The following EYA2 variants were observed in gnomAD, a reference collection of about 807,000 sequenced individuals.
EYA2 encodes EYA transcriptional coactivator and phosphatase 2, also known as protein phosphatase EYA2.
Under a neutral mutation model 69.2 loss-of-function variants are expected in EYA2, and 31 were observed. That is an observed-to-expected ratio of 0.45 (90% CI 0.34 to 0.60). The LOEUF (loss-of-function observed/expected upper bound fraction) is 0.60, where lower values mean the gene tolerates loss of function less well. Among genes scored for constraint, EYA2 ranks in the 20% least tolerant of loss-of-function variants. The pLI, the probability that EYA2 is intolerant of heterozygous loss-of-function variation, is 0.02. For synonymous variants in EYA2, 257 were observed against 279.4 expected (o/e 0.92, Z 0.80); for missense variants, 622 against 701.2 (o/e 0.89, Z 1.28).
Position 47,091,723 on chromosome 20 carries a change from C to T in EYA2, c.804+2342C>T, listed in dbSNP as rs1404135198. 4.6e-5 allele frequency among the ~76,000 whole-genome samples: 7 copies of T among 151,794 alleles called. No homozygotes were observed. The East Asian group carries it at 7.7e-4, about 17-fold the overall frequency. On this transcript the variant is annotated intron_variant, in intron 8 of 15. Transcript: ENST00000327619. ...CCACACCACTGCACTCCAGCCTGGG[C>T]GACAAATTGAGAACCTATCTCAAAA...
rs375478907 is a variant in EYA2, at chr20:46,990,748, T to C, written c.109+629T>C. On this transcript the variant is annotated intron_variant, in intron 2 of 15. Transcript: ENST00000327619. ...GGCATTAAGCTATTATGTTTAACCA[T>C]TGGGCTTAACCCTTTCTTTGGCCAG... Among the ~76,000 whole-genome samples the C allele has an allele frequency of 9.2e-5, 14 of 152,382 alleles. 1 individual carries two copies. Among genetic ancestry groups the C allele is most frequent in the African/African-American group, 2.9e-4 (12 of 41,600 alleles).
chr20:47,020,036 G>A (rs955189993), intron 5 of EYA2, among the ~76,000 whole-genome samples: 1 of 151,544 alleles, frequency 6.6e-6, no homozygotes, highest in African/African-American at 2.4e-5. Flanking sequence ...TCAGGAAGCT[G>A]AGGTGGAAGG....
At chr20:46,902,837 C>T (rs752218873) in intron 1 of EYA2, among the ~76,000 whole-genome samples, 96 of 152,146 alleles carry the variant, frequency 6.3e-4, no homozygotes, top group Non-Finnish European at 1.0e-3. Context: ...GCCCTATAAC[C>T]GCAGGGTTGA....
chr20:47,141,744 AAG>A (rs989758377), intron 9 of EYA2, among the ~76,000 whole-genome samples: 3 of 152,212 alleles, frequency 2.0e-5, no homozygotes, highest in African/African-American at 7.2e-5. Flanking sequence ...GAAGTGAGAA[AAG>A]AGAGTGCATG....
At chr20:47,145,436 G>C (rs2033680454) in intron 10 of EYA2, among the ~76,000 whole-genome samples, 1 of 152,190 alleles carries the variant, frequency 6.6e-6, no homozygotes, top group Non-Finnish European at 1.5e-5. Context: ...AAGTATGGAG[G>C]TGGCCAGGAT....
chr20:46,961,505 C>T (rs200388429), intron 1 of EYA2, among the ~76,000 whole-genome samples: 1 of 152,130 alleles, frequency 6.6e-6, no homozygotes, highest in African/African-American at 2.4e-5. Context: ...TATGATCCAG[C>T]GATCCCACTA....
chr20:47,080,930 C>T (rs145964767), intron 7 of EYA2, among the ~76,000 whole-genome samples: 2 of 152,294 alleles, frequency 1.3e-5, no homozygotes, highest in Admixed American at 6.5e-5. Flanking sequence ...TGCAGTGGTA[C>T]GATCATAGTT....
intron 5 of EYA2, among the ~76,000 whole-genome samples, chr20:47,058,596 G>C (rs1162643548): frequency 6.6e-6 from 1 of 152,206 alleles, no homozygotes; most frequent in Non-Finnish European, 1.5e-5. Context: ...TGTAATCCCA[G>C]TGCTTTGAGA....
rs572222363 is a variant in EYA2, at chr20:47,058,794, C to T, written c.416-13391C>T. On this transcript the variant is annotated intron_variant, in intron 5 of 15. Coordinates refer to ENST00000327619, the MANE Select transcript of EYA2 (RefSeq NM_005244.5). ...ATTCAGAGCTGTGGTGAGCTATGATCGTGCCACTGCACCCCAGCCTGGGCA... is the reference window on the plus strand; with the variant it reads ...ATTCAGAGCTGTGGTGAGCTATGATTGTGCCACTGCACCCCAGCCTGGGCA... 1.6e-4 allele frequency among the ~76,000 whole-genome samples: 25 copies of T among 152,224 alleles called. No individual in the cohort carries two copies. The East Asian group carries it at 3.9e-3, about 24-fold the overall frequency.
At chr20:46,978,633 T>C (rs941114940) in intron 1 of EYA2, 1 of 534,556 alleles carries the variant, frequency 1.9e-6, no homozygotes, top group African/African-American at 1.9e-5. Flanking sequence ...TAAGCAAGGA[T>C]GAGGTGAGGC....
intron 1 of EYA2, chr20:46,978,725 A>G: frequency 1.9e-6 from 1 of 532,956 alleles, no homozygotes; most frequent in East Asian, 5.5e-5. Flanking sequence ...GGAGGTGGGC[A>G]GGGGGGCTGC....
At chr20:46,898,333 A>G (rs1013617696) in intron 1 of EYA2, among the ~76,000 whole-genome samples, 8 of 151,098 alleles carry the variant, frequency 5.3e-5, no homozygotes, top group African/African-American at 1.9e-4. Context: ...ACTGTGCTCA[A>G]AAGGAATCTC....
chr20:46,895,372 C>T (rs1250091939), intron 1 of EYA2, among the ~76,000 whole-genome samples: 2 of 152,222 alleles, frequency 1.3e-5, no homozygotes, highest in African/African-American at 4.8e-5. Flanking sequence ...AGGGGCGCTC[C>T]CCCAGTCCGC....
intron 10 of EYA2, 73 bp from the exon 11 acceptor site, chr20:47,169,066 A>G: frequency 6.9e-7 from 1 of 1,455,384 alleles, no homozygotes; most frequent in Non-Finnish European, 9.6e-7. Flanking sequence ...TTATGAGGCC[A>G]ACCCTTGAAG....
At chr20:47,168,706 G>T (rs959164558) in intron 10 of EYA2, among the ~76,000 whole-genome samples, 3 of 152,180 alleles carry the variant, frequency 2.0e-5, no homozygotes, top group African/African-American at 7.2e-5. Flanking sequence ...GCAGATGTAG[G>T]CAGGAGAGCA....
At chr20:47,018,319 ATTCCG>A (rs879636524) in intron 5 of EYA2, among the ~76,000 whole-genome samples, 4,882 of 152,274 alleles carry the variant, frequency 0.032, 131 homozygotes, top group East Asian at 0.098. Flanking sequence ...TCATTCATTC[ATTCCG>A]TATGTTGAGC....
chr20:47,024,277 A>C (rs1983950934), intron 5 of EYA2, among the ~76,000 whole-genome samples: 1 of 152,202 alleles, frequency 6.6e-6, no homozygotes, highest in Non-Finnish European at 1.5e-5. Flanking sequence ...TCTTGCTTTC[A>C]GCCTTGCCAG....
At position 47,143,097 on chromosome 20, in the gene EYA2, A is replaced by G. The variant is rs944132387; in HGVS notation, c.927A>G (p.Glu309=). 6.2e-7 allele frequency: 1 copy of G among 1,613,958 alleles called. No individual in the cohort carries two copies. The highest frequency in any genetic ancestry group is 1.3e-5 in the African/African-American group (1 of 75,044). ...CCGTGCGCATTGGCCTTATGATGGA[A>G]GAGATGATCTTCAACCTTGCAGATA... The part of the protein sequence containing the change: ...TTSVRIGLMM[E]EMIFNLADTH... The change falls in exon 10 of 16, where the codon GAA becomes GAG. Residue 309 remains glutamate, a synonymous_variant. Coordinates refer to ENST00000327619, the MANE Select transcript of EYA2 (RefSeq NM_005244.5).
chr20:47,037,043 G>A (rs1031943457), intron 5 of EYA2, among the ~76,000 whole-genome samples: 2 of 152,170 alleles, frequency 1.3e-5, no homozygotes, highest in Non-Finnish European at 2.9e-5. Context: ...AACTTACAAT[G>A]ATGGTGGAAG....
Sources: gnomAD v4.1 joint callset for allele counts (sites outside exome capture counted in the v4.1 genomes callset) on GRCh38, gnomAD v4.1.1 for gene constraint, MANE v1.5 for transcripts, NCBI Gene and HGNC (gene_info 2026-07-23, HGNC 2026-07-21) for gene names.